CNTNAP2: variants seen among roughly 807,000 people sequenced by gnomAD.
The protein encoded by CNTNAP2 is contactin associated protein 2.
In CNTNAP2, 98 loss-of-function variants were observed where a neutral mutation model predicts 155.2. The ratio of observed to expected loss-of-function variants is 0.63; its 90% CI spans 0.54 to 0.75. The LOEUF is 0.75. Among genes scored for constraint, CNTNAP2 ranks in the 30% least tolerant of loss-of-function variants. The pLI is 0.00. For synonymous variants in CNTNAP2, 651 were observed against 631.2 expected, an observed-to-expected ratio of 1.03 and a Z score of -0.47; for missense variants, 1,727 against 1,688.1, an observed-to-expected ratio of 1.02 and a Z score of -0.40.
chr7:147,144,516 G>C (rs1332277359), intron 8 of CNTNAP2, among the ~76,000 whole-genome samples: 1 of 152,132 alleles, frequency 6.6e-6, no homozygotes. Flanking sequence ...ATCACATGTA[G>C]ATCTATTGGC....
At chr7:147,702,054 G>C (rs1051478736) in intron 13 of CNTNAP2, among the ~76,000 whole-genome samples, 3 of 121,296 alleles carry the variant, frequency 2.5e-5, no homozygotes, top group African/African-American at 3.7e-5. Flanking sequence ...CACTTTGGTT[G>C]GTTTTTTTTT....
intron 8 of CNTNAP2, among the ~76,000 whole-genome samples, chr7:147,223,936 T>A (rs1803463327): frequency 2.0e-5 from 2 of 98,234 alleles, no homozygotes. Context: ...CAAGACTCAA[T>A]CTCAAAAAAA....
chr7:146,544,671 AC>A (rs1348873998), intron 1 of CNTNAP2, among the ~76,000 whole-genome samples: 2 of 151,970 alleles, frequency 1.3e-5, no homozygotes, highest in African/African-American at 4.8e-5. Flanking sequence ...TATTTAAAGA[AC>A]AAGAAAAGCA....
chr7:146,565,535 G>C (rs766527824), intron 1 of CNTNAP2, among the ~76,000 whole-genome samples: 2 of 152,116 alleles, frequency 1.3e-5, no homozygotes, highest in Non-Finnish European at 2.9e-5. Flanking sequence ...ACATTGCTAC[G>C]CTTTTTTATT....
In CNTNAP2 at chr7:146,554,089, C is replaced by T. The variant is rs115602635; in HGVS notation, c.98-220182C>T. The stretch of plus-strand genomic sequence containing the variant: ...TTAACACCGATTCATATCCCTCAAG[C>T]TGATGAGAATGCAGTGTAACTAACG... On this transcript the variant is annotated intron_variant, in intron 1 of 23. Transcript: ENST00000361727. 4.6e-3 allele frequency among the ~76,000 whole-genome samples: 698 copies of T among 152,264 alleles called. 5 individuals carry two copies. The highest frequency in any genetic ancestry group is 0.016 in the African/African-American group (651 of 41,538).
At position 147,043,970 on chromosome 7, in the gene CNTNAP2, G is replaced by T; in HGVS notation, c.466G>T (p.Ala156Ser). The change falls in exon 4 of 24, where the codon GCC (alanine) becomes TCC (serine). Residue 156 changes from alanine (A) to serine (S), a missense_variant. Physicochemically the swap from Ala to Ser is moderately conservative, Grantham distance 99. Transcript: ENST00000361727. ...GCACGAATTACAGCATCCGATTATT[G>T]CCCGCTATGTGCGCATAGTGCCTCT... The part of the protein sequence containing the change: ...VRHELQHPII[A>S]RYVRIVPLDW... 1.2e-6 allele frequency: 2 copies of T among 1,614,116 alleles called. No individual in the cohort carries two copies. The highest frequency in any genetic ancestry group is 1.7e-6 in the Non-Finnish European group (2 of 1,180,014).
chr7:147,941,007 G>C (rs1800711234), intron 14 of CNTNAP2, among the ~76,000 whole-genome samples: 1 of 152,200 alleles, frequency 6.6e-6, no homozygotes, highest in African/African-American at 2.4e-5. Context: ...GCTGGAGTTG[G>C]TTTGGAGGTA....
At chr7:146,615,776 A>C (rs540560555) in intron 1 of CNTNAP2, among the ~76,000 whole-genome samples, 1 of 152,288 alleles carries the variant, frequency 6.6e-6, no homozygotes, top group Non-Finnish European at 1.5e-5. Context: ...GAAACCTGAG[A>C]CACAGTATAC....
intron 1 of CNTNAP2, among the ~76,000 whole-genome samples, chr7:146,169,009 T>C (rs1011496417): frequency 6.6e-6 from 1 of 152,232 alleles, no homozygotes; most frequent in Non-Finnish European, 1.5e-5. Flanking sequence ...TCGTACATAC[T>C]GTCATATTTG....
intron 1 of CNTNAP2, among the ~76,000 whole-genome samples, chr7:146,505,524 A>C (rs1204065361): frequency 2.0e-5 from 3 of 152,210 alleles, no homozygotes; most frequent in Non-Finnish European, 4.4e-5. Flanking sequence ...GCCACACAGG[A>C]AATACAGATG....
At chr7:147,896,258 G>A (rs907310662) in intron 13 of CNTNAP2, among the ~76,000 whole-genome samples, 2 of 152,032 alleles carry the variant, frequency 1.3e-5, no homozygotes, top group African/African-American at 4.8e-5. Context: ...GTAAGCTGAG[G>A]GTCTGCCATA....
At chr7:146,596,632 A>G (rs967706200) in intron 1 of CNTNAP2, among the ~76,000 whole-genome samples, 1 of 149,092 alleles carries the variant, frequency 6.7e-6, no homozygotes, top group Admixed American at 6.7e-5. Context: ...AGAGAGAGAG[A>G]GAGAGAGAAA....
At chr7:147,876,185 T>C (rs894665414) in intron 13 of CNTNAP2, among the ~76,000 whole-genome samples, 2 of 152,204 alleles carry the variant, frequency 1.3e-5, no homozygotes, top group Non-Finnish European at 2.9e-5. Flanking sequence ...TCCCTGTCTC[T>C]CTGTCCTGCT....
intron 10 of CNTNAP2, among the ~76,000 whole-genome samples, chr7:147,427,457 G>T (rs113382196): frequency 7.9e-5 from 12 of 152,202 alleles, no homozygotes; most frequent in African/African-American, 2.9e-4. Context: ...CAGAGGCAAC[G>T]GTGACTGAGC....
At chr7:146,347,378 A>T (rs1794835424) in intron 1 of CNTNAP2, among the ~76,000 whole-genome samples, 1 of 152,158 alleles carries the variant, frequency 6.6e-6, no homozygotes, top group African/African-American at 2.4e-5. Flanking sequence ...CAACAGCTCA[A>T]CCAGAGACCA....
At chr7:146,823,128 C>T (rs1391984323) in intron 2 of CNTNAP2, among the ~76,000 whole-genome samples, 1 of 125,148 alleles carries the variant, frequency 8.0e-6, no homozygotes, top group Non-Finnish European at 1.6e-5. Flanking sequence ...TGGAAATATA[C>T]TCATTCTTCA....
chr7:147,526,208 A>AT (rs1001193541), intron 11 of CNTNAP2, among the ~76,000 whole-genome samples: 2 of 151,276 alleles, frequency 1.3e-5, no homozygotes, highest in African/African-American at 2.4e-5. Flanking sequence ...AAAAAAAAAA[A>AT]GGAAAAGAAA....
intron 1 of CNTNAP2, among the ~76,000 whole-genome samples, chr7:146,436,462 A>G (rs977979892): frequency 1.3e-5 from 2 of 152,218 alleles, no homozygotes; most frequent in African/African-American, 4.8e-5. Context: ...CAAATTTAAT[A>G]TAAAACAAAA....
intron 1 of CNTNAP2, among the ~76,000 whole-genome samples, chr7:146,339,724 T>G (rs1268448906): frequency 6.6e-6 from 1 of 152,072 alleles, no homozygotes; most frequent in Admixed American, 6.5e-5. Context: ...GCCAAGAAAC[T>G]CCTAGTGATA....
Sources: gnomAD v4.1 joint callset for allele counts (sites outside exome capture counted in the v4.1 genomes callset) on GRCh38, gnomAD v4.1.1 for gene constraint, MANE v1.5 for transcripts, NCBI Gene and HGNC (gene_info 2026-07-23, HGNC 2026-07-21) for gene names.